CDH13: variants seen among roughly 807,000 people sequenced by gnomAD.
The protein encoded by CDH13 is cadherin 13.
A neutral mutation model predicts 63.8 loss-of-function variants in CDH13; 24 were observed. The ratio of observed to expected loss-of-function variants is 0.38; its 90% CI spans 0.27 to 0.53. The LOEUF is 0.53. Among genes scored for constraint, CDH13 ranks in the 20% least tolerant of loss-of-function variants. The probability of loss-of-function intolerance (pLI) is 0.85; values close to 1 mark genes in which losing one functional copy is unlikely to be tolerated. For missense variants in CDH13, 1,049 were observed against 903.1 expected (o/e 1.16, Z -2.07); for synonymous variants, 503 against 355.3 (o/e 1.42, Z -4.67).
chr16:83,348,209 G>C (rs2090879277), intron 6 of CDH13, among the ~76,000 whole-genome samples: 1 of 152,172 alleles, frequency 6.6e-6, no homozygotes, highest in Admixed American at 6.5e-5. Flanking sequence ...TGAAACCTAA[G>C]AGCCACGTGA....
intron 10 of CDH13, among the ~76,000 whole-genome samples, chr16:83,707,838 A>AAAAAAAAAAAAAAAAAAAAC (rs1907352910): frequency 1.4e-5 from 1 of 70,770 alleles, no homozygotes; most frequent in African/African-American, 6.1e-5. Context: ...CCTAAAGGCA[A>AAAAAAAAAAAAAAAAAAAAC]AAAAAAAAAA....
chr16:82,655,687 C>G (rs1373262745), intron 1 of CDH13, among the ~76,000 whole-genome samples: 2 of 152,180 alleles, frequency 1.3e-5, no homozygotes, highest in Non-Finnish European at 2.9e-5. Context: ...CTTACCTCCT[C>G]CACAGGCTAT....
At chr16:83,247,910 A>C (rs1338701333) in intron 5 of CDH13, among the ~76,000 whole-genome samples, 1 of 152,208 alleles carries the variant, frequency 6.6e-6, no homozygotes, top group Non-Finnish European at 1.5e-5. Context: ...CTGTTCTTTA[A>C]ATGTCACCCA....
chr16:82,714,205 C>G lies in CDH13; in HGVS notation c.45+87068C>G, dbSNP rs375580499. Among the ~76,000 whole-genome samples, 6 of 152,318 alleles carry G rather than the reference C, an allele frequency of 3.9e-5. No homozygotes were observed. The South Asian group carries it at 1.2e-3, about 32-fold the overall frequency. On this transcript the variant is annotated intron_variant, in intron 1 of 13. Coordinates refer to ENST00000567109, the MANE Select transcript of CDH13 (RefSeq NM_001257.5). The stretch of plus-strand genomic sequence containing the variant: ...CTTCTCTGCTCTTTGATGCCTCTGA[C>G]TCCACTTAAGCCCTCTTCCCCAGGG...
At chr16:83,033,474 C>T (rs370920685) in intron 3 of CDH13, among the ~76,000 whole-genome samples, 5 of 152,040 alleles carry the variant, frequency 3.3e-5, no homozygotes, top group South Asian at 2.1e-4. Context: ...TATGTGTATA[C>T]GTATGTACAG....
chr16:82,942,441 A>G (rs909512251), intron 2 of CDH13, among the ~76,000 whole-genome samples: 1 of 152,196 alleles, frequency 6.6e-6, no homozygotes, highest in East Asian at 1.9e-4. Context: ...CTATCCTGTT[A>G]TAAGTGCTCT....
At chr16:82,934,002 A>T (rs1289991948) in intron 2 of CDH13, among the ~76,000 whole-genome samples, 1 of 152,166 alleles carries the variant, frequency 6.6e-6, no homozygotes, top group African/African-American at 2.4e-5. Flanking sequence ...CAAGCTGTCC[A>T]TGGATCTACC....
intron 6 of CDH13, among the ~76,000 whole-genome samples, chr16:83,482,481 T>A (rs977362365): frequency 3.3e-5 from 5 of 152,196 alleles, no homozygotes; most frequent in Non-Finnish European, 7.3e-5. Flanking sequence ...TGCTTTGCGG[T>A]GTTTGCCACG....
rs1459810853 is a variant in CDH13, at chr16:82,639,432, T to C, written c.45+12295T>C. On this transcript the variant is annotated intron_variant, in intron 1 of 13. Transcript: ENST00000567109. ...CCAGTGAGAATGGCCCACAGATGCC[T>C]GGGCGTGACCCACCTGCAGCTTCAA... The C allele has an allele frequency of 1.5e-5, 23 of 1,535,428 alleles. No homozygotes were observed. In the Admixed American group the frequency reaches 4.3e-4, roughly 29 times the overall value.
intron 8 of CDH13, among the ~76,000 whole-genome samples, chr16:83,611,746 T>C (rs1486482433): frequency 6.6e-6 from 1 of 152,092 alleles, no homozygotes; most frequent in Non-Finnish European, 1.5e-5. Context: ...ATCAAAAATA[T>C]TTTTGAATTT....
intron 1 of CDH13, among the ~76,000 whole-genome samples, chr16:82,666,681 C>A (rs1376861873): frequency 6.6e-6 from 1 of 152,204 alleles, no homozygotes; most frequent in Non-Finnish European, 1.5e-5. Flanking sequence ...CGAAGAACAT[C>A]TTTCTTATTT....
At chr16:83,107,279 C>T (rs953683766) in intron 3 of CDH13, among the ~76,000 whole-genome samples, 39 of 152,068 alleles carry the variant, frequency 2.6e-4, no homozygotes, top group African/African-American at 8.0e-4. Flanking sequence ...AAAAGGGACC[C>T]CTATGGGGAA....
chr16:82,827,615 C>G (rs1369577295), intron 1 of CDH13, among the ~76,000 whole-genome samples: 2 of 152,080 alleles, frequency 1.3e-5, no homozygotes, highest in Non-Finnish European at 1.5e-5. Flanking sequence ...AACGTCTGAC[C>G]CCTTTCATCT....
Position 83,239,246 on chromosome 16 carries a change from G to C in CDH13, c.636+21749G>C, listed in dbSNP as rs549528867. Among the ~76,000 whole-genome samples the C allele has an allele frequency of 1.1e-3, 167 of 152,300 alleles. 1 individual carries two copies. The highest frequency in any genetic ancestry group is 3.7e-3 in the African/African-American group (155 of 41,560). ...TATCACTGCAGAGGGAGAGCAGCAGGTTCAGCTCCTCAAGTTGGAAATAAA... is the reference window on the plus strand; with the variant it reads ...TATCACTGCAGAGGGAGAGCAGCAGCTTCAGCTCCTCAAGTTGGAAATAAA... On this transcript the variant is annotated intron_variant, in intron 5 of 13. Transcript: ENST00000567109.
chr16:83,065,989 C>T (rs112065699), intron 3 of CDH13, among the ~76,000 whole-genome samples: 2 of 152,196 alleles, frequency 1.3e-5, no homozygotes, highest in Non-Finnish European at 2.9e-5. Context: ...AAACAACCAC[C>T]TTCACTCCTG....
intron 2 of CDH13, among the ~76,000 whole-genome samples, chr16:82,874,326 A>T (rs1283128325): frequency 6.6e-6 from 1 of 152,092 alleles, no homozygotes; most frequent in Non-Finnish European, 1.5e-5. Flanking sequence ...TCGTGCTAAG[A>T]TGTTGAGTTG....
At chr16:83,353,538 A>AGAACT (rs1319847455) in intron 6 of CDH13, among the ~76,000 whole-genome samples, 3 of 152,380 alleles carry the variant, frequency 2.0e-5, no homozygotes, top group African/African-American at 7.2e-5. Flanking sequence ...ACCAACCAAC[A>AGAACT]GAACTGTATG....
At chr16:83,306,235 C>A (rs750705603) in intron 5 of CDH13, among the ~76,000 whole-genome samples, 21 of 152,216 alleles carry the variant, frequency 1.4e-4, no homozygotes, top group Non-Finnish European at 2.6e-4. Context: ...GGTACCGTAT[C>A]TGTGCTATGG....
At chr16:83,635,892 T>G (rs1911218938) in intron 8 of CDH13, among the ~76,000 whole-genome samples, 1 of 152,212 alleles carries the variant, frequency 6.6e-6, no homozygotes, top group Admixed American at 6.5e-5. Context: ...CCCTAGGTGT[T>G]AAAGATTTTA....
Sources: gnomAD v4.1 joint callset for allele counts (sites outside exome capture counted in the v4.1 genomes callset) on GRCh38, gnomAD v4.1.1 for gene constraint, MANE v1.5 for transcripts, NCBI Gene and HGNC (gene_info 2026-07-23, HGNC 2026-07-21) for gene names.